Variants in CCDC7 observed in about 807,000 individuals in gnomAD.
CCDC7 encodes coiled-coil domain containing 7, also known as coiled-coil domain-containing protein 7.
A neutral mutation model predicts 196.9 loss-of-function variants in CCDC7; 183 were observed. That is an observed-to-expected ratio of 0.93 (90% CI 0.82 to 1.05). The LOEUF is 1.05. CCDC7 is among the 50% of genes least tolerant of loss of function. CCDC7 has a pLI of 0.00. For synonymous variants in CCDC7, 525 were observed against 484.6 expected (o/e 1.08, Z -1.10); for missense variants, 1,540 against 1,482.2 (o/e 1.04, Z -0.64).
At chr10:32,464,907 T>C (rs956013133) in intron 5 of CCDC7, among the ~76,000 whole-genome samples, 4 of 152,216 alleles carry the variant, frequency 2.6e-5, no homozygotes, top group African/African-American at 9.6e-5. Context: ...TATGCTCTTC[T>C]ATCTCTTATT....
At chr10:32,734,191 A>G (rs748635008) in intron 28 of CCDC7, among the ~76,000 whole-genome samples, 3 of 152,222 alleles carry the variant, frequency 2.0e-5, no homozygotes, top group Non-Finnish European at 2.9e-5. Flanking sequence ...ATGCCCATCA[A>G]TGACAAATTA....
At chr10:32,651,852 A>G (rs1202251333) in intron 20 of CCDC7, among the ~76,000 whole-genome samples, 3 of 152,214 alleles carry the variant, frequency 2.0e-5, no homozygotes, top group Non-Finnish European at 2.9e-5. Flanking sequence ...TCATGCTGAC[A>G]TTAGCCATTA....
downstream of CCDC7, among the ~76,000 whole-genome samples, chr10:32,878,287 A>G (rs2094662820): frequency 6.6e-6 from 1 of 151,958 alleles, no homozygotes; most frequent in Non-Finnish European, 1.5e-5. Flanking sequence ...GAACTGTGCA[A>G]CTCCAGAATT....
chr10:32,830,121 G>GATATATATATATATATATATATATATAT, intron 32 of CCDC7, among the ~76,000 whole-genome samples: 991 of 50,178 alleles, frequency 0.02, 107 homozygotes, highest in East Asian at 0.021. Flanking sequence ...TATATATAAG[G>GATATATATATATATATATATATATATAT]ATATATATAT....
intron 11 of CCDC7, among the ~76,000 whole-genome samples, chr10:32,542,607 T>C (rs1319343264): frequency 8.5e-6 from 1 of 118,294 alleles, no homozygotes; most frequent in African/African-American, 3.3e-5. Context: ...CATTCCAGCC[T>C]GGACAACAGA....
intron 5 of CCDC7, 127 bp downstream of exon 6, chr10:32,463,176 T>C: frequency 8.2e-7 from 1 of 1,212,750 alleles, no homozygotes; most frequent in Non-Finnish European, 1.1e-6. Context: ...AAGTAACCTT[T>C]TGGTTTGGGT....
At position 32,824,615 on chromosome 10, in the gene CCDC7, G is replaced by T. The variant is rs1312576336; in HGVS notation, c.3268+11G>T. The stretch of plus-strand genomic sequence containing the variant: ...GAAAGAGTTACCCTGGTAAGAATAA[G>T]AATTTTTAAAATCTACTTATGGTTT... On this transcript the variant is annotated intron_variant, in intron 32 of 41. Coordinates refer to ENST00000639629, the Ensembl canonical transcript of CCDC7. The T allele has an allele frequency of 6.3e-7, 1 of 1,581,732 alleles. No homozygotes were observed. The highest frequency in any genetic ancestry group is 8.7e-7 in the Non-Finnish European group (1 of 1,154,896).
At chr10:32,766,263 G>A (rs528761393) in intron 28 of CCDC7, among the ~76,000 whole-genome samples, 1 of 152,056 alleles carries the variant, frequency 6.6e-6, no homozygotes, top group African/African-American at 2.4e-5. Flanking sequence ...CAAAAAAACA[G>A]GTATAATGCC....
At chr10:32,644,241 C>A (rs1020070611) in intron 20 of CCDC7, among the ~76,000 whole-genome samples, 4 of 152,070 alleles carry the variant, frequency 2.6e-5, no homozygotes, top group African/African-American at 4.8e-5. Context: ...TTGAATTATA[C>A]ACTACAATGT....
rs193294037 is a variant in CCDC7 at position 32,724,214 on chromosome 10, A to C, written c.2570-2520A>C. On this transcript the variant is annotated intron_variant, in intron 25 of 41. Coordinates refer to ENST00000639629, the Ensembl canonical transcript of CCDC7. Reference sequence around the variant, plus strand: ...TGGTGAAGTGCTCTATGGGACTCCCAGACTCTTGCAAAGGATTCATTGGCA... The same window carrying C: ...TGGTGAAGTGCTCTATGGGACTCCCCGACTCTTGCAAAGGATTCATTGGCA... Among the ~76,000 whole-genome samples, 65 of 152,228 alleles carry C rather than the reference A, an allele frequency of 4.3e-4. 1 individual carries two copies. Among genetic ancestry groups the C allele is most frequent in the Admixed American group, 8.5e-4 (13 of 15,284 alleles).
At chr10:32,507,081 CT>C (rs1442427282) in intron 9 of CCDC7, among the ~76,000 whole-genome samples, 1 of 152,006 alleles carries the variant, frequency 6.6e-6, no homozygotes, top group Non-Finnish European at 1.5e-5. Context: ...CAACTTCTGC[CT>C]CCCGGGTTCA....
At chr10:32,652,307 A>G (rs1034442266) in intron 20 of CCDC7, among the ~76,000 whole-genome samples, 12 of 151,636 alleles carry the variant, frequency 7.9e-5, no homozygotes, top group Admixed American at 1.3e-4. Context: ...GCATGTCTTT[A>G]TAGGTGAAGT....
chr10:32,804,930 TACACACAC>T (rs35054696), intron 29 of CCDC7, 77 bp from the exon 31 acceptor site: 16 of 631,004 alleles, frequency 2.5e-5, no homozygotes, highest in South Asian at 6.1e-5. Context: ...ATTAATTTAA[TACACACAC>T]ACACACACAC....
intron 13 of CCDC7, among the ~76,000 whole-genome samples, chr10:32,561,508 G>T (rs536249809): frequency 1.3e-5 from 2 of 149,968 alleles, no homozygotes; most frequent in Admixed American, 6.7e-5. Flanking sequence ...ACTCAAAACC[G>T]CTCAACTACA....
At chr10:32,715,921 G>C (rs1228109648) in intron 25 of CCDC7, among the ~76,000 whole-genome samples, 3 of 152,132 alleles carry the variant, frequency 2.0e-5, no homozygotes, top group Admixed American at 1.3e-4. Context: ...CAAACTTAAC[G>C]ATTCACTGGT....
At chr10:32,864,084 T>A (rs537878486) in intron 41 of CCDC7, among the ~76,000 whole-genome samples, 9 of 149,870 alleles carry the variant, frequency 6.0e-5, no homozygotes, top group African/African-American at 2.2e-4. Context: ...CAAAAACAAA[T>A]AACTTGATTT....
intron 23 of CCDC7, 76 bp downstream of exon 24, chr10:32,689,239 CAA>C: frequency 1.0e-6 from 1 of 968,006 alleles, no homozygotes. Flanking sequence ...CTTTGATTCA[CAA>C]AAGTTTTACA....
chr10:32,630,888 G>C (rs540612886), intron 18 of CCDC7, among the ~76,000 whole-genome samples: 5 of 152,290 alleles, frequency 3.3e-5, no homozygotes, highest in African/African-American at 1.2e-4. Context: ...CCAACCTCTT[G>C]TGAGTTTAGC....
At chr10:32,788,998 A>T (rs1410807472) in intron 29 of CCDC7, among the ~76,000 whole-genome samples, 1 of 152,050 alleles carries the variant, frequency 6.6e-6, no homozygotes, top group African/African-American at 2.4e-5. Context: ...TCATCCAGCC[A>T]CTAGGCCAGC....
Sources: allele counts gnomAD v4.1 joint callset (sites outside exome capture counted in the v4.1 genomes callset), GRCh38; gene constraint gnomAD v4.1.1; transcripts MANE v1.5; gene names NCBI Gene and HGNC (gene_info 2026-07-23, HGNC 2026-07-21).